The following GRIP1 variants were observed in gnomAD, a reference collection of about 807,000 sequenced individuals.
GRIP1 encodes the protein glutamate receptor-interacting protein 1.
A neutral mutation model predicts 129.9 loss-of-function variants in GRIP1; 45 were observed. The observed-to-expected ratio is 0.35, with a 90% CI of 0.27 to 0.44. GRIP1 has a LOEUF of 0.44. GRIP1 is among the 20% of genes least tolerant of loss of function. The pLI is 1.00. For missense variants in GRIP1, 1,196 were observed against 1,396.8 expected (o/e 0.86, Z 2.29); for synonymous variants, 530 against 520.8 (o/e 1.02, Z -0.24).
At chr12:66,762,706 G>A (rs1433366185) in intron 1 of GRIP1, among the ~76,000 whole-genome samples, 1 of 152,158 alleles carries the variant, frequency 6.6e-6, no homozygotes, top group Non-Finnish European at 1.5e-5. Flanking sequence ...ATGAGCCAAA[G>A]TCCCTGCCCT....
intron 1 of GRIP1, among the ~76,000 whole-genome samples, chr12:66,856,984 CAAT>C (rs1228885321): frequency 6.6e-6 from 1 of 152,110 alleles, no homozygotes; most frequent in Non-Finnish European, 1.5e-5. Context: ...AAATGTCCAA[CAAT>C]GATAGACTGG....
At chr12:66,847,088 G>C (rs1424845591) in intron 1 of GRIP1, among the ~76,000 whole-genome samples, 1 of 152,140 alleles carries the variant, frequency 6.6e-6, no homozygotes, top group African/African-American at 2.4e-5. Context: ...GGAAACCACT[G>C]ACCTCTAGCC....
intron 7 of GRIP1, among the ~76,000 whole-genome samples, chr12:66,475,620 CA>C (rs2059582388): frequency 6.6e-6 from 1 of 152,120 alleles, no homozygotes. Flanking sequence ...GAAATTATAA[CA>C]AACTGTCTCT....
chr12:66,891,453 C>G (rs372468845), intron 1 of GRIP1, among the ~76,000 whole-genome samples: 1 of 152,118 alleles, frequency 6.6e-6, no homozygotes, highest in African/African-American at 2.4e-5. Flanking sequence ...CAGGAAGTAA[C>G]AAGAAAGGAT....
At chr12:66,547,775 G>A (rs896703143) in intron 2 of GRIP1, among the ~76,000 whole-genome samples, 6 of 152,162 alleles carry the variant, frequency 3.9e-5, no homozygotes, top group Admixed American at 1.3e-4. Context: ...AGGGCAGGAG[G>A]GAAGTGGATG....
rs143584166 is a variant in GRIP1, at chr12:66,366,279, G to A, written c.3012+5415C>T. Among the ~76,000 whole-genome samples, 244 of 152,274 alleles carry A rather than the reference G, an allele frequency of 1.6e-3. 2 individuals carry two copies. Among genetic ancestry groups the A allele is most frequent in the African/African-American group, 5.4e-3 (223 of 41,560 alleles). Reference sequence around the variant, plus strand: ...CATATTTCCATTTCATACTTCCTCCGAGGGCTGAGCCTGTTCCTGACTCAG... The same window carrying A: ...CATATTTCCATTTCATACTTCCTCCAAGGGCTGAGCCTGTTCCTGACTCAG... On this transcript the variant is annotated intron_variant, in intron 23 of 24. Coordinates refer to ENST00000359742, the MANE Select transcript of GRIP1 (RefSeq NM_001366722.1).
chr12:66,617,491 T>C (rs1382287425), intron 1 of GRIP1, among the ~76,000 whole-genome samples: 1 of 151,996 alleles, frequency 6.6e-6, no homozygotes, highest in Non-Finnish European at 1.5e-5. Context: ...ACATTCTCTC[T>C]TTATTTCTCT....
chr12:66,451,399 T>TTTTTTTTTTTTTTTC (rs2058799209), intron 11 of GRIP1, among the ~76,000 whole-genome samples: 1 of 106,704 alleles, frequency 9.4e-6, no homozygotes, highest in Non-Finnish European at 1.9e-5. Flanking sequence ...TTTTTTTTTT[T>TTTTTTTTTTTTTTTC]TTTTTTTTTT....
At chr12:66,391,964 T>G (rs1360920566) in intron 19 of GRIP1, among the ~76,000 whole-genome samples, 1 of 152,186 alleles carries the variant, frequency 6.6e-6, no homozygotes, top group Non-Finnish European at 1.5e-5. Flanking sequence ...GAAAGCTTGC[T>G]GAAAAATAAG....
At chr12:66,870,801 T>G (rs1308614470) in intron 1 of GRIP1, among the ~76,000 whole-genome samples, 1 of 152,110 alleles carries the variant, frequency 6.6e-6, no homozygotes, top group African/African-American at 2.4e-5. Context: ...GGCCTTCGTA[T>G]GTTACTACTT....
chr12:66,358,308 A>G (rs1022820863), intron 23 of GRIP1, among the ~76,000 whole-genome samples: 1 of 152,124 alleles, frequency 6.6e-6, no homozygotes, highest in African/African-American at 2.4e-5. Context: ...GATAGGATCC[A>G]TTGGTTTTGG....
At position 66,463,086 on chromosome 12, in the gene GRIP1, C is replaced by T. The variant is rs749654495; in HGVS notation, c.880G>A (p.Ala294Thr). ...KSASIADRCG[A>T]LHVGDHILSI... ...AGGATGTGATCTCCCACATGCAATG[C>T]GCCACATCTACGGAAAGGAGAAATA... The change falls in exon 9 of 25, where the codon GCA becomes ACA. Residue 294 changes from alanine (A) to threonine (T), a missense_variant. By Grantham distance (58) the Ala-to-Thr change is moderately conservative. Coordinates refer to ENST00000359742, the MANE Select transcript of GRIP1 (RefSeq NM_001366722.1). The T allele has an allele frequency of 1.7e-5, 28 of 1,613,522 alleles. No homozygotes were observed. The highest frequency in any genetic ancestry group is 2.2e-5 in the Non-Finnish European group (26 of 1,179,654).
intron 1 of GRIP1, among the ~76,000 whole-genome samples, chr12:66,785,339 C>CAT (rs1242812457): frequency 3.3e-4 from 12 of 36,486 alleles, no homozygotes; most frequent in Non-Finnish European, 4.9e-4. Flanking sequence ...TACATACATA[C>CAT]ATACATATAT....
At chr12:66,661,221 G>A (rs530172610) in intron 1 of GRIP1, among the ~76,000 whole-genome samples, 1 of 152,130 alleles carries the variant, frequency 6.6e-6, no homozygotes, top group Admixed American at 6.5e-5. Context: ...GCCAATTTGA[G>A]AAATTTCAGG....
intron 7 of GRIP1, among the ~76,000 whole-genome samples, chr12:66,506,314 C>G (rs1212376483): frequency 1.3e-5 from 2 of 152,102 alleles, no homozygotes; most frequent in Non-Finnish European, 2.9e-5. Flanking sequence ...AGGAAGTATT[C>G]AAATTGTGAT....
At chr12:66,732,487 A>C (rs1309841127) in intron 1 of GRIP1, among the ~76,000 whole-genome samples, 1 of 152,058 alleles carries the variant, frequency 6.6e-6, no homozygotes, top group Non-Finnish European at 1.5e-5. Context: ...TGGAAAGTTG[A>C]GGCTGCAGTG....
chr12:66,578,231 G>GTTTTTTTTTTTT (rs1462512737), intron 2 of GRIP1, among the ~76,000 whole-genome samples: 129 of 31,510 alleles, frequency 4.1e-3, no homozygotes, highest in Non-Finnish European at 6.1e-3. Context: ...GCAAAACCGC[G>GTTTTTTTTTTTT]GTTTTTTTTT....
chr12:66,610,626 T>G (rs981640681), intron 1 of GRIP1, among the ~76,000 whole-genome samples: 1 of 152,132 alleles, frequency 6.6e-6, no homozygotes, highest in African/African-American at 2.4e-5. Context: ...ACTTTGGATT[T>G]CTACATTTGA....
chr12:66,430,220 T>A, intron 14 of GRIP1, among the ~76,000 whole-genome samples: 1 of 152,242 alleles, frequency 6.6e-6, no homozygotes, highest in East Asian at 1.9e-4. Flanking sequence ...TTTCTTTTTT[T>A]AAAGAGCAAA....
Sources: gnomAD v4.1 joint callset for allele counts (sites outside exome capture counted in the v4.1 genomes callset) on GRCh38, gnomAD v4.1.1 for gene constraint, MANE v1.5 for transcripts, NCBI Gene and HGNC (gene_info 2026-07-23, HGNC 2026-07-21) for gene names.